The following DSG4 variants were observed in gnomAD, a reference collection of about 807,000 sequenced individuals.
DSG4 encodes the protein desmoglein 4, also known as desmoglein-4.
Under a neutral mutation model 93.1 loss-of-function variants are expected in DSG4, and 87 were observed. The ratio of observed to expected loss-of-function variants is 0.93; its 90% CI spans 0.79 to 1.12. DSG4 has a LOEUF of 1.12. Ranked by LOEUF, DSG4 falls within the 50% of genes most tolerant of loss-of-function variation. DSG4 has a pLI of 0.00. For synonymous variants in DSG4, 432 were observed against 452.9 expected (o/e 0.95, Z 0.59); for missense variants, 1,373 against 1,285.7 (o/e 1.07, Z -1.04).
rs193038493 is a variant in DSG4, at chr18:31,414,373, G to C, written c.*778G>C. 34 of 152,174 alleles carry C rather than the reference G, an allele frequency of 2.2e-4. No individual in the cohort carries two copies. Among genetic ancestry groups the C allele is most frequent in the Non-Finnish European group, 4.6e-4 (31 of 68,006 alleles). 9.4% of individuals were successfully genotyped at this position (152,174 alleles called of 1,614,324 possible). A position where few individuals can be genotyped will look rare whatever the true frequency, so the allele number is the denominator to read the frequency against. ...ACTTACAGGGAATTTTTTCCCTACT[G>C]TTGCCAATTATGTCAGAAAAATACA... On this transcript the variant is annotated 3_prime_UTR_variant, in exon 16 of 16. Transcript: ENST00000308128.
intron 15 of DSG4, 23 bp downstream of exon 15, chr18:31,411,471 T>TAA (rs2072491932): frequency 4.3e-6 from 7 of 1,610,612 alleles, no homozygotes; most frequent in Non-Finnish European, 5.9e-6. Context: ...CAGTCACACA[T>TAA]AAAATCGTCT....
At position 31,412,849 on chromosome 18, in the gene DSG4, G is replaced by A. The variant is rs200463781; in HGVS notation, c.2377G>A (p.Glu793Lys). 11 of 1,614,204 alleles carry A rather than the reference G, an allele frequency of 6.8e-6. No homozygotes were observed. The highest frequency in any genetic ancestry group is 1.3e-5 in the African/African-American group (1 of 75,070). The stretch of plus-strand genomic sequence containing the variant: ...TTAGAAAGCGTATGCTTATGCAGAT[G>A]AAGATGAAGGTCGACCAGCCAATGA... ...FSEKAYAYAD[E>K]DEGRPANDCL... The change falls in exon 16 of 16, where the codon GAA becomes AAA. Residue 793 changes from glutamate (E) to lysine (K), a missense_variant. Coordinates refer to ENST00000308128, the MANE Select transcript of DSG4 (RefSeq NM_177986.5).
intron 1 of DSG4, among the ~76,000 whole-genome samples, chr18:31,377,618 C>T (rs968983503): frequency 6.6e-6 from 1 of 152,136 alleles, no homozygotes; most frequent in African/African-American, 2.4e-5. Context: ...TTTCCTCTAA[C>T]CTTTGGGTGC....
At chr18:31,390,962 T>A in intron 6 of DSG4, 116 bp from the exon 7 acceptor site, 1 of 1,509,714 alleles carries the variant, frequency 6.6e-7, no homozygotes, top group Non-Finnish European at 9.0e-7. Flanking sequence ...AAAAGCTCAA[T>A]TATATAAATT....
In DSG4 at chr18:31,385,122, T is replaced by G. The variant is rs760788577; in HGVS notation, c.49-14T>G. 5 of 1,600,754 alleles carry G rather than the reference T, an allele frequency of 3.1e-6. No individual in the cohort carries two copies. The highest frequency in any genetic ancestry group is 2.2e-5 in the East Asian group (1 of 44,616). On this transcript the variant is annotated splice_polypyrimidine_tract_variant and intron_variant, in intron 1 of 15. Transcript: ENST00000308128. ...TGCAAATTTATGCTAATGTGGTATC[T>G]TCTATCAAAACAGGTGGTGATGGAA...
At chr18:31,389,671 G>A (rs60100528) in intron 5 of DSG4, among the ~76,000 whole-genome samples, 71 of 151,930 alleles carry the variant, frequency 4.7e-4, no homozygotes, top group African/African-American at 1.6e-3. Flanking sequence ...TTTACATACA[G>A]CACATGAATA....
At chr18:31,381,168 A>T (rs562547260) in intron 1 of DSG4, among the ~76,000 whole-genome samples, 1 of 152,180 alleles carries the variant, frequency 6.6e-6, no homozygotes, top group Non-Finnish European at 1.5e-5. Flanking sequence ...TCACTTAATC[A>T]TATATTTCCC....
Position 31,386,805 on chromosome 18 carries a change from A to G in DSG4, c.202A>G (p.Asn68Asp), listed in dbSNP as rs766203357. ...AGAAGGAGAGGACAACTCGAAGAGG[A>G]ACCCCATTGCCAAAGTAAGTGATGA... ...CREGEDNSKR[N>D]PIAKIRSDCE... Residue 68 changes from asparagine (N) to aspartate (D), a missense_variant, in exon 3 of 16, where the codon AAC (asparagine) becomes GAC (aspartate). By Grantham distance (23) the Asn-to-Asp change is conservative. Coordinates refer to ENST00000308128, the MANE Select transcript of DSG4 (RefSeq NM_177986.5). The G allele has an allele frequency of 8.1e-6, 13 of 1,613,174 alleles. No individual in the cohort carries two copies. In the Admixed American group the frequency reaches 1.3e-4, roughly 17 times the overall value.
chr18:31,392,057 A>G lies in DSG4; in HGVS notation c.820-98A>G, dbSNP rs373533371. On this transcript the variant is annotated intron_variant, in intron 7 of 15. Coordinates refer to ENST00000308128, the MANE Select transcript of DSG4 (RefSeq NM_177986.5). ...TAATAATGGTGCAAAAATCATCGACATAGTTTGTTGTTAGTATTTTAAATA... is the reference window on the plus strand; with the variant it reads ...TAATAATGGTGCAAAAATCATCGACGTAGTTTGTTGTTAGTATTTTAAATA... 247 of 1,158,812 alleles carry G rather than the reference A, an allele frequency of 2.1e-4. 1 individual carries two copies. In the African/African-American group the frequency reaches 3.7e-3, roughly 17 times the overall value. The allele number at this position is 1,158,812 out of a possible 1,614,324, so 71.8% of individuals were successfully genotyped here. A position where few individuals can be genotyped will look rare whatever the true frequency, so the allele number is the denominator to read the frequency against.
chr18:31,386,374 A>G (rs180790047), intron 2 of DSG4, among the ~76,000 whole-genome samples: 2 of 152,288 alleles, frequency 1.3e-5, no homozygotes, highest in Admixed American at 6.5e-5. Flanking sequence ...AGGCTCCTAT[A>G]TGGTGAAGAT....
chr18:31,384,029 C>G (rs979016769), intron 1 of DSG4, among the ~76,000 whole-genome samples: 1 of 152,076 alleles, frequency 6.6e-6, no homozygotes, highest in Non-Finnish European at 1.5e-5. Flanking sequence ...TTTAATGACT[C>G]TGCTACCAGA....
At position 31,406,167 on chromosome 18, in the gene DSG4, G is replaced by A; in HGVS notation, c.1727G>A (p.Cys576Tyr). ...ILVKDSYNRA[C>Y]ELAQMVQLYA... ...GTGAAGGACAGCTATAACAGAGCAT[G>A]TGAATTGGCACAAATGGTGCAGTTA... Residue 576 changes from cysteine (C) to tyrosine (Y), a missense_variant, in exon 12 of 16, where the codon TGT (cysteine) becomes TAT (tyrosine). Coordinates refer to ENST00000308128, the MANE Select transcript of DSG4 (RefSeq NM_177986.5). 6.2e-7 allele frequency: 1 copy of A among 1,614,174 alleles called. No homozygotes were observed. The highest frequency in any genetic ancestry group is 8.5e-7 in the Non-Finnish European group (1 of 1,180,038).
Position 31,413,160 on chromosome 18 carries a change from A to G in DSG4, c.2688A>G (p.Ala896=). Residue 896 remains alanine, a synonymous_variant, in exon 16 of 16, where the codon GCA becomes GCG. Transcript: ENST00000308128. The stretch of plus-strand genomic sequence containing the variant: ...TTGAATTCCAAGAAGAAATGGCAGC[A>G]TCTGAACCCGTGGTCCATGGGGATA... The part of the protein sequence containing the change: ...SEVEFQEEMA[A]SEPVVHGDII... 1 of 1,614,202 alleles carries G rather than the reference A, an allele frequency of 6.2e-7. No individual in the cohort carries two copies. The highest frequency in any genetic ancestry group is 8.5e-7 in the Non-Finnish European group (1 of 1,180,032).
intron 5 of DSG4, 126 bp downstream of exon 5, chr18:31,389,144 C>A: frequency 1.9e-6 from 2 of 1,029,500 alleles, no homozygotes; most frequent in Non-Finnish European, 1.4e-6. Flanking sequence ...TTGAATAAAC[C>A]CCACATATTT....
Position 31,411,332 on chromosome 18 carries a change from G to C in DSG4, c.2239G>C (p.Ala747Pro), listed in dbSNP as rs770241558. 4 of 1,611,038 alleles carry C rather than the reference G, an allele frequency of 2.5e-6. No homozygotes were observed. The African/African-American group carries it at 4.1e-5, about 17-fold the overall frequency. ...GMGTAVGLMA[A>P]GAAGASGAAR... is the part of the protein sequence containing the mutation. ...GGGGACAGCCGTTGGCCTCATGGCC[G>C]CAGGGGCCGCAGGAGCCTCAGGGGC... Residue 747 changes from alanine (A) to proline (P), a missense_variant, in exon 15 of 16, where the codon GCA (alanine) becomes CCA (proline). Physicochemically the swap from Ala to Pro is conservative, Grantham distance 27. Transcript: ENST00000308128.
intron 2 of DSG4, among the ~76,000 whole-genome samples, 170 bp from the exon 3 acceptor site, chr18:31,386,518 G>T (rs1055662256): frequency 2.0e-5 from 3 of 152,030 alleles, no homozygotes; most frequent in African/African-American, 4.8e-5. Context: ...GGCAGCCAGG[G>T]GTAACCAAGC....
Position 31,376,809 on chromosome 18 carries a change from G to C in DSG4, c.-103G>C. ...GTTATCACCCATGCCCTCCTAAAAGGGTGTCTCAAAGCATATCTTTCTGTA... is the reference window on the plus strand; with the variant it reads ...GTTATCACCCATGCCCTCCTAAAAGCGTGTCTCAAAGCATATCTTTCTGTA... On this transcript the variant is annotated 5_prime_UTR_variant, in exon 1 of 16. Coordinates refer to ENST00000308128, the MANE Select transcript of DSG4 (RefSeq NM_177986.5). 1 of 1,264,340 alleles carries C rather than the reference G, an allele frequency of 7.9e-7. No homozygotes were observed. The highest frequency in any genetic ancestry group is 1.2e-5 in the South Asian group (1 of 82,162). The allele number at this position is 1,264,340 out of a possible 1,614,324, so 78.3% of individuals were successfully genotyped here.
intron 11 of DSG4, among the ~76,000 whole-genome samples, chr18:31,405,112 G>A (rs914357111): frequency 6.6e-6 from 1 of 152,076 alleles, no homozygotes; most frequent in Non-Finnish European, 1.5e-5. Flanking sequence ...AGCTAACTGA[G>A]GATAATAAAC....
In DSG4 at chr18:31,413,181, G is replaced by A. The variant is rs1216315385; in HGVS notation, c.2709G>A (p.Gly903=). 11 of 1,614,102 alleles carry A rather than the reference G, an allele frequency of 6.8e-6. No individual in the cohort carries two copies. The highest frequency in any genetic ancestry group is 9.3e-6 in the Non-Finnish European group (11 of 1,180,032). Residue 903 remains glycine (G), a synonymous_variant, in exon 16 of 16, where the codon GGG becomes GGA. Coordinates refer to ENST00000308128, the MANE Select transcript of DSG4 (RefSeq NM_177986.5). The part of the protein sequence containing the change: ...EMAASEPVVH[G]DIIVTETYGN... The stretch of plus-strand genomic sequence containing the variant: ...CAGCATCTGAACCCGTGGTCCATGG[G>A]GATATTATTGTGACTGAGACTTACG...
Sources: gnomAD v4.1 joint callset for allele counts (sites outside exome capture counted in the v4.1 genomes callset) on GRCh38, gnomAD v4.1.1 for gene constraint, MANE v1.5 for transcripts, NCBI Gene and HGNC (gene_info 2026-07-23, HGNC 2026-07-21) for gene names.